The following KYAT3 variants were observed in gnomAD, a reference collection of about 807,000 sequenced individuals.
The protein encoded by KYAT3 is kynurenine--oxoglutarate transaminase 3.
KYAT3 carries 50 observed loss-of-function variants against 59.0 expected under a neutral mutation model. The observed-to-expected ratio is 0.85, with a 90% CI of 0.68 to 1.07. KYAT3 has a LOEUF of 1.07. Among genes scored for constraint, KYAT3 ranks in the 50% least tolerant of loss-of-function variants. The pLI, the probability that KYAT3 is intolerant of heterozygous loss-of-function variation, is 0.00. For synonymous variants in KYAT3, 148 were observed against 177.0 expected (o/e 0.84, Z 1.30); for missense variants, 497 against 533.3 (o/e 0.93, Z 0.67).
the KYAT3 span, among the ~76,000 whole-genome samples, chr1:88,929,500 C>T: frequency 6.6e-6 from 1 of 152,162 alleles, no homozygotes; most frequent in African/African-American, 2.4e-5. Context: ...ACTGTTTTAC[C>T]CCAAGGGTTC....
intron 1 of KYAT3, among the ~76,000 whole-genome samples, chr1:88,990,033 C>T (rs1677694292): frequency 6.6e-6 from 1 of 152,176 alleles, no homozygotes; most frequent in Non-Finnish European, 1.5e-5. Flanking sequence ...TTCCCACACT[C>T]CTTTAAACTA....
intron 2 of KYAT3, chr1:88,981,364 T>A (rs1463870456): frequency 6.6e-6 from 1 of 152,306 alleles, no homozygotes; most frequent in Non-Finnish European, 1.5e-5. Context: ...GTTGTCCCCA[T>A]GACTTTAGCT....
intron 2 of KYAT3, among the ~76,000 whole-genome samples, chr1:88,986,420 T>C (rs1399368107): frequency 2.0e-5 from 3 of 151,614 alleles, no homozygotes; most frequent in Non-Finnish European, 4.4e-5. Context: ...GGTCAGGAGA[T>C]TGAGACCATC....
At chr1:88,933,532 T>C (rs1050594750), downstream of KYAT3, among the ~76,000 whole-genome samples, 15 of 152,012 alleles carry the variant, frequency 9.9e-5, no homozygotes, top group African/African-American at 3.6e-4. Flanking sequence ...TAGGAAGACA[T>C]AGCAGGTTAG....
Position 88,983,263 on chromosome 1 carries a change from A to C in KYAT3, c.99+4989T>G, listed in dbSNP as rs781007437. ...CCCTTCGAGGTGGACCTCCATAACT[A>C]TCTCTTCCACGTGATAGAGGAGCTC... On this transcript the variant is annotated intron_variant, in intron 2 of 13. Coordinates refer to ENST00000260508, the MANE Select transcript of KYAT3 (RefSeq NM_001008661.3). 5.1e-5 allele frequency: 82 copies of C among 1,613,504 alleles called. No individual in the cohort carries two copies. The highest frequency in any genetic ancestry group is 6.7e-5 in the Admixed American group (4 of 60,008).
intron 8 of KYAT3, among the ~76,000 whole-genome samples, chr1:88,955,988 C>T (rs377541305): frequency 1.3e-5 from 2 of 152,134 alleles, no homozygotes; most frequent in African/African-American, 4.8e-5. Context: ...ATCACCATAA[C>T]CAATTTCAGA....
At chr1:88,936,982 T>C (rs1675061301) in intron 13 of KYAT3, among the ~76,000 whole-genome samples, 1 of 151,792 alleles carries the variant, frequency 6.6e-6, no homozygotes, top group Non-Finnish European at 1.5e-5. Context: ...CAGAGTGGAG[T>C]GAGCAGGCTG....
At position 88,964,907 on chromosome 1, in the gene KYAT3, A is replaced by G; in HGVS notation, c.375T>C (p.Asn125=). The change falls in exon 5 of 14, where the codon AAT becomes AAC. Residue 125 remains asparagine, a synonymous_variant. Transcript: ENST00000260508. ...EKLYQKQIDS[N]KEILVTVGAY... is the part of the protein sequence containing the mutation. ...CTCCTACTGTCACAAGGATTTCTTT[A>G]TTTGAATCAATTTGCTTTTGATAAA... 1 of 1,609,924 alleles carries G rather than the reference A, an allele frequency of 6.2e-7. No individual in the cohort carries two copies. Among genetic ancestry groups the G allele is most frequent in the Non-Finnish European group, 8.5e-7 (1 of 1,178,532 alleles).
chr1:88,929,771 G>A, the KYAT3 span, among the ~76,000 whole-genome samples: 2 of 152,158 alleles, frequency 1.3e-5, no homozygotes, highest in African/African-American at 2.4e-5. Context: ...GGCCCTCAGT[G>A]AGAAACGTAT....
intron 1 of KYAT3, among the ~76,000 whole-genome samples, chr1:88,991,453 C>T (rs991152099): frequency 6.6e-6 from 1 of 152,224 alleles, no homozygotes; most frequent in African/African-American, 2.4e-5. Context: ...AGTCCGACCA[C>T]TGTAAAGATG....
intron 11 of KYAT3, among the ~76,000 whole-genome samples, chr1:88,946,351 C>T (rs1675442415): frequency 1.3e-5 from 2 of 149,958 alleles, no homozygotes; most frequent in African/African-American, 2.5e-5. Context: ...ATTTAAGAGA[C>T]AGGATCTCAC....
chr1:88,969,286 T>C (rs1207431887), intron 3 of KYAT3, 123 bp downstream of exon 3: 1 of 676,338 alleles, frequency 1.5e-6, no homozygotes, highest in Admixed American at 2.8e-5. Context: ...TTTCATTTAA[T>C]GGATGAATTA....
intron 2 of KYAT3, among the ~76,000 whole-genome samples, chr1:88,977,437 G>A (rs1000535484): frequency 3.3e-5 from 5 of 152,148 alleles, no homozygotes; most frequent in Non-Finnish European, 5.9e-5. Context: ...CCTGACCTCA[G>A]GCGATCTGCC....
intron 8 of KYAT3, among the ~76,000 whole-genome samples, chr1:88,957,525 T>C (rs1334501442): frequency 6.6e-6 from 1 of 152,224 alleles, no homozygotes; most frequent in African/African-American, 2.4e-5. Flanking sequence ...TTGTATTCGA[T>C]AGAATACCTA....
chr1:88,945,819 A>T (rs973544491), intron 11 of KYAT3, among the ~76,000 whole-genome samples: 1 of 152,240 alleles, frequency 6.6e-6, no homozygotes, highest in African/African-American at 2.4e-5. Flanking sequence ...ATGAAAAGGT[A>T]AAACAAAACA....
At chr1:88,939,687 G>C (rs1675166764) in intron 13 of KYAT3, among the ~76,000 whole-genome samples, 1 of 151,936 alleles carries the variant, frequency 6.6e-6, no homozygotes, top group Non-Finnish European at 1.5e-5. Flanking sequence ...AAAATTATTT[G>C]TTCCTTTCTA....
the KYAT3 span, among the ~76,000 whole-genome samples, chr1:88,924,820 C>T: frequency 1.3e-5 from 2 of 152,210 alleles, no homozygotes; most frequent in African/African-American, 4.8e-5. Flanking sequence ...TCATCCTAAT[C>T]GAGCTGAACA....
intron 8 of KYAT3, among the ~76,000 whole-genome samples, chr1:88,960,091 C>T (rs76484510): frequency 0.032 from 4,825 of 149,918 alleles, 236 homozygotes; most frequent in African/African-American, 0.11. Flanking sequence ...GACCACCATA[C>T]CTGGTTGATT....
intron 9 of KYAT3, 93 bp from the exon 10 acceptor site, chr1:88,953,245 A>G: frequency 1.2e-6 from 1 of 814,818 alleles, no homozygotes. Context: ...TGTTAAATAT[A>G]TACAATCCTA....
Sources: gnomAD v4.1 joint callset for allele counts (sites outside exome capture counted in the v4.1 genomes callset) on GRCh38, gnomAD v4.1.1 for gene constraint, MANE v1.5 for transcripts, NCBI Gene and HGNC (gene_info 2026-07-23, HGNC 2026-07-21) for gene names.